Variants in FREM2 observed in about 807,000 individuals in gnomAD.
FREM2 encodes FRAS1-related extracellular matrix protein 2.
FREM2 carries 119 observed loss-of-function variants against 219.9 expected under a neutral mutation model. The ratio of observed to expected loss-of-function variants is 0.54; its 90% confidence interval spans 0.47 to 0.63. The LOEUF (loss-of-function observed/expected upper bound fraction) is 0.63. FREM2 is among the 30% of genes least tolerant of loss of function. The pLI, the probability that FREM2 is intolerant of heterozygous loss-of-function variation, is 0.00. For missense variants in FREM2, 4,030 were observed against 3,993.6 expected, an observed-to-expected ratio of 1.01 and a Z score of -0.25; for synonymous variants, 1,562 against 1,522.8, an observed-to-expected ratio of 1.03 and a Z score of -0.60.
chr13:38,742,159 C>G (rs1208982476), intron 2 of FREM2, among the ~76,000 whole-genome samples: 1 of 152,186 alleles, frequency 6.6e-6, no homozygotes, highest in Non-Finnish European at 1.5e-5. Context: ...TTGAGCCTGT[C>G]TTTACAAGTC....
At position 38,790,691 on chromosome 13, in the gene FREM2, G is replaced by A. The variant is rs117424476; in HGVS notation, c.6019+5883G>A. ...ATTAGGTTGGTACAAAAGTAATTGC[G>A]GTTTTGGCCATTGAAGGTAATGGCA... On this transcript the variant is annotated intron_variant, in intron 6 of 23. Transcript: ENST00000280481. Among the ~76,000 whole-genome samples the A allele has an allele frequency of 3.9e-4, 60 of 152,200 alleles. 1 individual carries two copies. Among genetic ancestry groups the A allele is most frequent in the Middle Eastern group, 3.4e-3 (1 of 294 alleles).
Position 38,688,808 on chromosome 13 carries a change from G to T in FREM2, c.1464G>T (p.Arg488=), listed in dbSNP as rs139525161. Residue 488 remains arginine, a synonymous_variant, in exon 1 of 24, where the codon CGG becomes CGT. Coordinates refer to ENST00000280481, the MANE Select transcript of FREM2 (RefSeq NM_207361.6). ...GGCTAGAGGTGGTGGCTGGGCTCCG[G>T]CATGGTCACCTTGTCATTCTGGGTG... ...AVRLEVVAGL[R]HGHLVILGAS... is the part of the protein sequence containing the mutation. 6.2e-7 allele frequency: 1 copy of T among 1,613,970 alleles called. No homozygotes were observed. Among genetic ancestry groups the T allele is most frequent in the African/African-American group, 1.3e-5 (1 of 75,046 alleles).
chr13:38,691,649 C>A lies in FREM2; in HGVS notation c.4305C>A (p.Gly1435=). The A allele has an allele frequency of 1.2e-6, 2 of 1,614,086 alleles. No homozygotes were observed. The highest frequency in any genetic ancestry group is 2.2e-5 in the South Asian group (2 of 91,068). The change falls in exon 1 of 24, where the codon GGC becomes GGA. Residue 1435 remains glycine, a synonymous_variant. Coordinates refer to ENST00000280481, the MANE Select transcript of FREM2 (RefSeq NM_207361.6). ...ISKGVSLKEG[G]KVTLTTDLLS... ...AGGGAGTGTCCTTGAAAGAAGGTGG[C>A]AAAGTCACTCTTACAACAGACCTAC...
At chr13:38,745,490 A>G (rs1426958701) in intron 2 of FREM2, among the ~76,000 whole-genome samples, 1 of 152,180 alleles carries the variant, frequency 6.6e-6, no homozygotes, top group Non-Finnish European at 1.5e-5. Flanking sequence ...AAGAGCTGCT[A>G]TTTAATCACT....
chr13:38,724,138 A>G (rs1412295932), intron 2 of FREM2, among the ~76,000 whole-genome samples: 1 of 152,138 alleles, frequency 6.6e-6, no homozygotes, highest in Non-Finnish European at 1.5e-5. Context: ...CTTCTATCCT[A>G]TGTGTTTTCT....
chr13:38,733,628 A>G (rs1037665915), intron 2 of FREM2, among the ~76,000 whole-genome samples: 2 of 152,156 alleles, frequency 1.3e-5, no homozygotes, highest in Non-Finnish European at 2.9e-5. Context: ...ATATATTTAC[A>G]GCAAGCAGAT....
rs191890795 is a variant in FREM2, at chr13:38,775,199, A to G, written c.5641+5391A>G. 2.1e-3 allele frequency among the ~76,000 whole-genome samples: 314 copies of G among 152,328 alleles called. 1 individual carries two copies. The highest frequency in any genetic ancestry group is 7.2e-3 in the African/African-American group (299 of 41,566). ...GCTGACTACAATATGAAACTCAAAC[A>G]TTCATTCTTATTTTTGAAATTCTAC... On this transcript the variant is annotated intron_variant, in intron 4 of 23. Transcript: ENST00000280481.
chr13:38,688,590 G>A lies in FREM2; in HGVS notation c.1246G>A (p.Asp416Asn). The change falls in exon 1 of 24, where the codon GAT becomes AAT. Residue 416 changes from aspartate (D) to asparagine (N), a missense_variant. Asp to Asn is a conservative substitution (Grantham distance 23). This residue lies in a region of FREM2 where 3,102 missense variants were observed against 2,950.7 expected (regional missense o/e 1.05). Coordinates refer to ENST00000280481, the MANE Select transcript of FREM2 (RefSeq NM_207361.6). ...RLFELELEVVDLEGAASDPFA... is the reference protein window; with the variant it reads ...RLFELELEVVNLEGAASDPFA... ...CTTTGAACTGGAATTGGAGGTAGTG[G>A]ATCTAGAAGGAGCAGCTTCAGACCC... is the stretch of plus-strand genomic sequence containing the variant. 1.2e-6 allele frequency: 2 copies of A among 1,614,006 alleles called. No homozygotes were observed. Among genetic ancestry groups the A allele is most frequent in the Non-Finnish European group, 1.7e-6 (2 of 1,179,898 alleles).
At chr13:38,825,465 G>C (rs1325148395) in intron 6 of FREM2, among the ~76,000 whole-genome samples, 1 of 151,926 alleles carries the variant, frequency 6.6e-6, no homozygotes, top group Non-Finnish European at 1.5e-5. Flanking sequence ...TATATTCACA[G>C]AATATCAAAC....
chr13:38,793,541 G>A (rs557283430), intron 6 of FREM2, among the ~76,000 whole-genome samples: 20 of 152,272 alleles, frequency 1.3e-4, no homozygotes, highest in African/African-American at 4.3e-4. Flanking sequence ...TGGGCGAGGA[G>A]TCAATCTTAT....
chr13:38,878,884 T>G lies in FREM2; in HGVS notation c.8913T>G (p.Asn2971Lys). The G allele has an allele frequency of 2.5e-6, 4 of 1,614,152 alleles. No individual in the cohort carries two copies. Among genetic ancestry groups the G allele is most frequent in the Non-Finnish European group, 3.4e-6 (4 of 1,179,978 alleles). The change falls in exon 23 of 24, where the codon AAT (asparagine) becomes AAG (lysine). Residue 2971 changes from asparagine to lysine, a missense_variant. Physicochemically the swap from Asn to Lys is moderately conservative, Grantham distance 94 (BLOSUM62 0). This residue lies in a region of FREM2 where 928 missense variants were observed against 1,042.9 expected (regional missense o/e 0.89). Transcript: ENST00000280481. Reference protein sequence around the residue: ...QATSFGNVLFNAKLAVDDPEA... With the variant: ...QATSFGNVLFKAKLAVDDPEA... The stretch of plus-strand genomic sequence containing the variant: ...CCAGTTTTGGAAATGTCCTATTTAA[T>G]GCCAAACTAGCAGTGGATGACCCTG...
chr13:38,847,820 G>A (rs1877220547), intron 7 of FREM2, among the ~76,000 whole-genome samples: 1 of 152,106 alleles, frequency 6.6e-6, no homozygotes, highest in South Asian at 2.1e-4. Context: ...TTAAAAGACA[G>A]TTTTGTTTTT....
At chr13:38,782,658 G>A (rs1023162824) in intron 4 of FREM2, among the ~76,000 whole-genome samples, 10 of 152,186 alleles carry the variant, frequency 6.6e-5, no homozygotes, top group East Asian at 1.9e-4. Context: ...TCAACTATGC[G>A]AGCCTGAGTT....
chr13:38,881,583 A>G lies in FREM2; in HGVS notation c.*796A>G, dbSNP rs1191699180. 6.5e-6 allele frequency: 1 copy of G among 152,710 alleles called. No individual in the cohort carries two copies. Among genetic ancestry groups the G allele is most frequent in the East Asian group, 1.9e-4 (1 of 5,198 alleles). The allele number at this position is 152,710 out of a possible 1,614,324, so 9.5% of individuals were successfully genotyped here. On this transcript the variant is annotated 3_prime_UTR_variant, in exon 24 of 24. Coordinates refer to ENST00000280481, the MANE Select transcript of FREM2 (RefSeq NM_207361.6). ...TATTGGTGCTCAACATTTGTGGGAA[A>G]TTAGAGGGTTGGTGAGATTTTGGTG...
intron 2 of FREM2, among the ~76,000 whole-genome samples, chr13:38,761,473 A>G (rs1158909677): frequency 6.6e-6 from 1 of 152,220 alleles, no homozygotes; most frequent in Non-Finnish European, 1.5e-5. Context: ...CAATTAATGG[A>G]ACGTAAACAC....
In FREM2 at chr13:38,864,138, C is replaced by T. The variant is rs1877863315; in HGVS notation, c.7652-137C>T. ...GCCACGTCACCGGGCCTGGACACCA[C>T]TTTGATCTGTATGCCATACACCACT... On this transcript the variant is annotated intron_variant, in intron 15 of 23. Coordinates refer to ENST00000280481, the MANE Select transcript of FREM2 (RefSeq NM_207361.6). 4.2e-6 allele frequency: 3 copies of T among 719,588 alleles called. No individual in the cohort carries two copies. The Admixed American group carries it at 6.3e-5, about 15-fold the overall frequency. The allele number at this position is 719,588 out of a possible 1,614,324, so 44.6% of individuals were successfully genotyped here.
chr13:38,733,699 G>A (rs1268961501), intron 2 of FREM2, among the ~76,000 whole-genome samples: 2 of 152,000 alleles, frequency 1.3e-5, no homozygotes, highest in Non-Finnish European at 2.9e-5. Flanking sequence ...TTTGAGACAG[G>A]GTCTTGCTCT....
Position 38,689,660 on chromosome 13 carries a change from C to A in FREM2, c.2316C>A (p.Thr772=). 6.2e-7 allele frequency: 1 copy of A among 1,614,050 alleles called. No homozygotes were observed. The highest frequency in any genetic ancestry group is 8.5e-7 in the Non-Finnish European group (1 of 1,180,004). Residue 772 remains threonine, a synonymous_variant, in exon 1 of 24, where the codon ACC becomes ACA. Transcript: ENST00000280481. ...CTGACAACCCCTCAGTCGTGGTGAC[C>A]CATTTTACCCAAGCCCAGATCAACC... ...VLTDNPSVVV[T]HFTQAQINHH...
chr13:38,793,525 G>A (rs989665848), intron 6 of FREM2, among the ~76,000 whole-genome samples: 4 of 152,190 alleles, frequency 2.6e-5, no homozygotes, highest in African/African-American at 7.2e-5. Context: ...CAAGAGTTTG[G>A]AGAGGTGGGC....
Sources: allele counts gnomAD v4.1 joint callset (sites outside exome capture counted in the v4.1 genomes callset), GRCh38; gene constraint gnomAD v4.1.1; regional missense constraint gnomAD v4.1.1; transcripts MANE v1.5; gene names NCBI Gene and HGNC (gene_info 2026-07-23, HGNC 2026-07-21).